Variants in ATP6V1C2 observed in about 807,000 individuals in gnomAD.
ATP6V1C2 encodes V-type proton ATPase subunit C 2.
In ATP6V1C2, 45 loss-of-function variants were observed where a neutral mutation model predicts 56.8. The ratio of observed to expected loss-of-function variants is 0.79; its 90% CI spans 0.62 to 1.02. ATP6V1C2 has a LOEUF of 1.02. Among genes scored for constraint, ATP6V1C2 ranks in the 50% least tolerant of loss-of-function variants. The pLI is 0.00. For synonymous variants in ATP6V1C2, 220 were observed against 201.3 expected (o/e 1.09, Z -0.79); for missense variants, 463 against 519.7 (o/e 0.89, Z 1.06).
At chr2:10,754,567 CTTTTCTTTTCTTTTCTTTTT>C (rs1348265877) in intron 4 of ATP6V1C2, among the ~76,000 whole-genome samples, 1 of 105,490 alleles carries the variant, frequency 9.5e-6, no homozygotes, top group Non-Finnish European at 2.2e-5. Flanking sequence ...CTTTTCTTTT[CTTTTCTTTTCTTTTCTTTTT>C]TTTTGAGATG....
intron 4 of ATP6V1C2, among the ~76,000 whole-genome samples, chr2:10,756,587 T>C (rs916083686): frequency 6.6e-6 from 1 of 150,904 alleles, no homozygotes; most frequent in South Asian, 2.1e-4. Flanking sequence ...GTGTGGTGGC[T>C]GGCGCTTGTA....
chr2:10,781,279 G>A (rs1665334201), intron 12 of ATP6V1C2, among the ~76,000 whole-genome samples: 1 of 152,170 alleles, frequency 6.6e-6, no homozygotes. Flanking sequence ...ACGTGTCCTA[G>A]ATGAATAAAC....
chr2:10,753,898 C>A (rs1485701311), intron 3 of ATP6V1C2, 83 bp from the exon 4 acceptor site: 1 of 1,277,428 alleles, frequency 7.8e-7, no homozygotes, highest in Non-Finnish European at 1.1e-6. Context: ...GTGTCACCAG[C>A]TACTTTTCCT....
intron 5 of ATP6V1C2, among the ~76,000 whole-genome samples, chr2:10,764,993 A>G (rs1346119860): frequency 6.6e-6 from 1 of 151,006 alleles, no homozygotes; most frequent in Non-Finnish European, 1.5e-5. Context: ...AAAAAAAGTT[A>G]CTGATGGTGA....
intron 12 of ATP6V1C2, among the ~76,000 whole-genome samples, chr2:10,779,447 G>GTATA (rs112760326): frequency 7.1e-6 from 1 of 140,532 alleles, no homozygotes; most frequent in Non-Finnish European, 1.5e-5. Context: ...ATATATGTAT[G>GTATA]TATATATATA....
At chr2:10,770,308 G>A (rs1558419116) in intron 6 of ATP6V1C2, among the ~76,000 whole-genome samples, 2 of 152,204 alleles carry the variant, frequency 1.3e-5, no homozygotes, top group Admixed American at 6.5e-5. Context: ...TGAGGCAGGA[G>A]AATCGCTTGA....
intron 3 of ATP6V1C2, among the ~76,000 whole-genome samples, chr2:10,727,744 C>T (rs1236453119): frequency 2.0e-5 from 3 of 150,348 alleles, no homozygotes; most frequent in African/African-American, 7.4e-5. Flanking sequence ...ACTAAAAATA[C>T]AAAAATTAGC....
chr2:10,731,415 C>T (rs909185238), intron 3 of ATP6V1C2, among the ~76,000 whole-genome samples: 7 of 152,154 alleles, frequency 4.6e-5, no homozygotes, highest in East Asian at 3.8e-4. Context: ...TGACTTGATC[C>T]GGAAATGTTG....
Position 10,784,992 on chromosome 2 carries a change from C to G in ATP6V1C2, c.*1729C>G. 1 of 1,587,302 alleles carries G rather than the reference C, an allele frequency of 6.3e-7. No homozygotes were observed. Among genetic ancestry groups the G allele is most frequent in the Non-Finnish European group, 8.6e-7 (1 of 1,165,414 alleles). Reference sequence around the variant, plus strand: ...AACGATGGTAGGGAAAGCCCCGCCTCCTACAGGTGCCGTGGAGCCACGCCC... The same window carrying G: ...AACGATGGTAGGGAAAGCCCCGCCTGCTACAGGTGCCGTGGAGCCACGCCC... On this transcript the variant is annotated 3_prime_UTR_variant, in exon 14 of 14. Transcript: ENST00000272238.
intron 10 of ATP6V1C2, among the ~76,000 whole-genome samples, chr2:10,775,840 C>A (rs941020270): frequency 6.6e-6 from 1 of 152,192 alleles, no homozygotes; most frequent in South Asian, 2.1e-4. Flanking sequence ...TCATGCCCAC[C>A]AGGGAGGGTT....
At chr2:10,724,117 TA>T (rs1244531801) in intron 2 of ATP6V1C2, among the ~76,000 whole-genome samples, 2 of 152,150 alleles carry the variant, frequency 1.3e-5, no homozygotes, top group African/African-American at 4.8e-5. Context: ...TCTGAGGCTG[TA>T]GGTTTCCACG....
intron 1 of ATP6V1C2, among the ~76,000 whole-genome samples, chr2:10,722,431 C>G (rs1661417160): frequency 6.6e-6 from 1 of 152,192 alleles, no homozygotes; most frequent in African/African-American, 2.4e-5. Context: ...TCATCCCACG[C>G]CTTCCTCCAC....
At chr2:10,772,647 G>T (rs1664698534) in intron 8 of ATP6V1C2, 37 bp downstream of exon 8, 5 of 1,583,278 alleles carry the variant, frequency 3.2e-6, no homozygotes, top group Non-Finnish European at 4.3e-6. Flanking sequence ...GGGCCCCTGG[G>T]GTACATGTGT....
At chr2:10,777,927 C>T (rs901319370) in intron 11 of ATP6V1C2, among the ~76,000 whole-genome samples, 3 of 145,702 alleles carry the variant, frequency 2.1e-5, no homozygotes, top group African/African-American at 4.9e-5. Context: ...GGGTGCTTGT[C>T]GGCCAGGGCG....
intron 4 of ATP6V1C2, among the ~76,000 whole-genome samples, chr2:10,755,466 G>A (rs901384907): frequency 6.6e-6 from 1 of 152,244 alleles, no homozygotes; most frequent in Admixed American, 6.5e-5. Context: ...CCAGGTGTGA[G>A]CCACTGTTCC....
At chr2:10,769,195 G>A (rs747068786) in intron 6 of ATP6V1C2, among the ~76,000 whole-genome samples, 3 of 152,248 alleles carry the variant, frequency 2.0e-5, no homozygotes, top group Non-Finnish European at 4.4e-5. Flanking sequence ...GCGCAGCAGG[G>A]TGGTGGGCTC....
At chr2:10,749,385 TGA>T in intron 3 of ATP6V1C2, among the ~76,000 whole-genome samples, 1 of 152,140 alleles carries the variant, frequency 6.6e-6, no homozygotes, top group Non-Finnish European at 1.5e-5. Context: ...GCAAAATATA[TGA>T]ACATGCTATC....
At chr2:10,751,153 G>T (rs1010960919) in intron 3 of ATP6V1C2, among the ~76,000 whole-genome samples, 4 of 152,176 alleles carry the variant, frequency 2.6e-5, no homozygotes, top group Non-Finnish European at 5.9e-5. Context: ...ACCCAGGCTG[G>T]TGGAGAGACA....
intron 4 of ATP6V1C2, among the ~76,000 whole-genome samples, chr2:10,758,186 A>T (rs144670209): frequency 5.3e-4 from 80 of 152,330 alleles, no homozygotes; most frequent in African/African-American, 1.9e-3. Context: ...GGCTGACTTC[A>T]GGTAGAGAAC....
Sources: gnomAD v4.1 joint callset for allele counts (sites outside exome capture counted in the v4.1 genomes callset) on GRCh38, gnomAD v4.1.1 for gene constraint, MANE v1.5 for transcripts, NCBI Gene and HGNC (gene_info 2026-07-23, HGNC 2026-07-21) for gene names.